The following CTNNA3 variants were observed in gnomAD, a reference collection of about 807,000 sequenced individuals.
CTNNA3 encodes catenin alpha 3, also known as catenin alpha-3.
CTNNA3 carries 76 observed loss-of-function variants against 95.7 expected under a neutral mutation model. The observed-to-expected ratio is 0.79, with a 90% CI of 0.66 to 0.96. The LOEUF (loss-of-function observed/expected upper bound fraction) is 0.96. Among genes scored for constraint, CTNNA3 ranks in the 40% least tolerant of loss-of-function variants. CTNNA3 has a pLI of 0.00. For missense variants in CTNNA3, 1,191 were observed against 1,089.8 expected, an observed-to-expected ratio of 1.09 and a Z score of -1.31; for synonymous variants, 431 against 374.4, an observed-to-expected ratio of 1.15 and a Z score of -1.74.
chr10:67,145,589 C>G (rs1335632884), intron 7 of CTNNA3, among the ~76,000 whole-genome samples: 3 of 151,876 alleles, frequency 2.0e-5, no homozygotes, highest in African/African-American at 7.3e-5. Context: ...CACCACCATG[C>G]CTGGCTAATT....
chr10:66,388,369 C>T (rs4426045), intron 11 of CTNNA3, among the ~76,000 whole-genome samples: 5,830 of 152,082 alleles, frequency 0.038, 185 homozygotes, highest in Non-Finnish European at 0.061. Flanking sequence ...ACTATTTTTT[C>T]CCCAGTGAAT....
chr10:67,203,792 T>C (rs925076584), intron 6 of CTNNA3, among the ~76,000 whole-genome samples: 1 of 152,228 alleles, frequency 6.6e-6, no homozygotes, highest in Non-Finnish European at 1.5e-5. Flanking sequence ...AAAGTCCAAA[T>C]TTCTTAGCTT....
intron 1 of CTNNA3, among the ~76,000 whole-genome samples, chr10:67,755,559 T>A (rs1359256617): frequency 1.3e-5 from 2 of 151,922 alleles, no homozygotes; most frequent in Non-Finnish European, 2.9e-5. Context: ...CCCAGCACTT[T>A]GGGAGGCTGA....
chr10:67,209,655 T>C (rs1374608442), intron 6 of CTNNA3, among the ~76,000 whole-genome samples: 3 of 152,014 alleles, frequency 2.0e-5, no homozygotes, highest in Non-Finnish European at 4.4e-5. Context: ...CTATATTTTC[T>C]GACCAAAATT....
At chr10:65,928,111 T>C (rs2077195462) in intron 17 of CTNNA3, among the ~76,000 whole-genome samples, 1 of 152,210 alleles carries the variant, frequency 6.6e-6, no homozygotes, top group Non-Finnish European at 1.5e-5. Context: ...TCCTTTATGC[T>C]TTCTTCCAGA....
intron 12 of CTNNA3, among the ~76,000 whole-genome samples, chr10:66,310,097 G>T (rs897218146): frequency 2.7e-5 from 4 of 150,636 alleles, no homozygotes; most frequent in African/African-American, 4.9e-5. Flanking sequence ...CAGCCTGGGC[G>T]ACAGGGTGAG....
At chr10:67,013,391 TTAA>T (rs1852460283) in intron 7 of CTNNA3, among the ~76,000 whole-genome samples, 2 of 152,020 alleles carry the variant, frequency 1.3e-5, no homozygotes, top group East Asian at 1.9e-4. Context: ...ACTAAAAAAA[TTAA>T]TAATAACTTC....
intron 7 of CTNNA3, among the ~76,000 whole-genome samples, chr10:66,914,114 A>T (rs979335618): frequency 2.1e-5 from 3 of 145,866 alleles, no homozygotes; most frequent in Non-Finnish European, 4.5e-5. Context: ...AACCTTGCCC[A>T]CTGGCAGGGT....
chr10:66,902,688 G>A (rs1380841091), intron 7 of CTNNA3, among the ~76,000 whole-genome samples: 3 of 152,038 alleles, frequency 2.0e-5, no homozygotes, highest in South Asian at 2.1e-4. Context: ...AATACAAAAC[G>A]ATAAAATGGA....
chr10:66,054,669 G>A (rs1401155717), intron 15 of CTNNA3, among the ~76,000 whole-genome samples: 1 of 152,062 alleles, frequency 6.6e-6, no homozygotes, highest in African/African-American at 2.4e-5. Flanking sequence ...CATCCCGTGG[G>A]TTGGCTTTTC....
At chr10:66,830,270 T>C (rs1842668699) in intron 7 of CTNNA3, among the ~76,000 whole-genome samples, 1 of 152,232 alleles carries the variant, frequency 6.6e-6, no homozygotes, top group Non-Finnish European at 1.5e-5. Flanking sequence ...TAGCAAAGCT[T>C]CTCACTTGTT....
At chr10:66,050,892 C>T (rs1025383994) in intron 15 of CTNNA3, among the ~76,000 whole-genome samples, 4 of 151,820 alleles carry the variant, frequency 2.6e-5, no homozygotes, top group Non-Finnish European at 2.9e-5. Context: ...CTTGTTCTTT[C>T]GCCCAGATGG....
chr10:66,263,218 A>G (rs1031484641), intron 13 of CTNNA3, among the ~76,000 whole-genome samples: 1 of 152,000 alleles, frequency 6.6e-6, no homozygotes, highest in African/African-American at 2.4e-5. Flanking sequence ...GGAACAAAGC[A>G]AGTCTCTCCA....
At chr10:66,193,281 G>A (rs1006058460) in intron 13 of CTNNA3, among the ~76,000 whole-genome samples, 1 of 152,126 alleles carries the variant, frequency 6.6e-6, no homozygotes, top group Non-Finnish European at 1.5e-5. Context: ...CCTGGCCAGA[G>A]AAGTATGCTG....
In CTNNA3 at chr10:66,360,692, TTTTC is replaced by T. The variant is rs373521800; in HGVS notation, c.1732+18456_1732+18459del. ...CTTCCTTCCTTCCTTCCTTCCTTCCTTTTCTTTCTTTCTTTCCTCCTTCCTTTCT... is the reference window on the plus strand; with the variant it reads ...CTTCCTTCCTTCCTTCCTTCCTTCCTTTTCTTTCTTTCCTCCTTCCTTTCT... On this transcript the variant is annotated intron_variant, in intron 12 of 17. Coordinates refer to ENST00000433211, the MANE Select transcript of CTNNA3 (RefSeq NM_013266.4). Among the ~76,000 whole-genome samples the T allele has an allele frequency of 5.5e-3, 325 of 59,308 alleles. 55 individuals are homozygous for T. The highest frequency in any genetic ancestry group is 0.011 in the Non-Finnish European group (216 of 19,594). 38.9% of individuals were successfully genotyped at this position (59,308 alleles called of 152,430 possible). A position where few individuals can be genotyped will look rare whatever the true frequency, so the allele number is the denominator to read the frequency against.
intron 2 of CTNNA3, among the ~76,000 whole-genome samples, chr10:67,609,795 G>C (rs1245168755): frequency 6.6e-6 from 1 of 152,114 alleles, no homozygotes; most frequent in African/African-American, 2.4e-5. Flanking sequence ...CTTTAACAAA[G>C]GTATTCTCTC....
At chr10:66,983,903 C>T (rs1403553704) in intron 7 of CTNNA3, among the ~76,000 whole-genome samples, 2 of 152,184 alleles carry the variant, frequency 1.3e-5, no homozygotes, top group African/African-American at 4.8e-5. Context: ...AGGCTCTATG[C>T]TAAGTCCTTT....
chr10:66,968,986 C>A (rs578053035), intron 7 of CTNNA3, among the ~76,000 whole-genome samples: 1 of 152,070 alleles, frequency 6.6e-6, no homozygotes, highest in East Asian at 1.9e-4. Flanking sequence ...CACTGCACTC[C>A]AGCCTGGGCA....
At chr10:67,547,190 G>A (rs1303656823) in intron 3 of CTNNA3, among the ~76,000 whole-genome samples, 2 of 151,938 alleles carry the variant, frequency 1.3e-5, no homozygotes, top group African/African-American at 4.8e-5. Flanking sequence ...AGTATATTAA[G>A]ACATAATTCC....
Sources: allele counts gnomAD v4.1 joint callset (sites outside exome capture counted in the v4.1 genomes callset), GRCh38; gene constraint gnomAD v4.1.1; transcripts MANE v1.5; gene names NCBI Gene and HGNC (gene_info 2026-07-23, HGNC 2026-07-21).